Variants in AK8 observed in about 807,000 individuals in gnomAD.
AK8 encodes adenylate kinase 8.
A neutral mutation model predicts 54.6 loss-of-function variants in AK8; 44 were observed. The observed-to-expected ratio is 0.81, with a 90% CI of 0.63 to 1.04. The LOEUF is 1.04. Ranked by LOEUF, AK8 falls within the 50% of genes least tolerant of loss-of-function variation. The pLI is 0.00. For synonymous variants in AK8, 239 were observed against 245.6 expected (o/e 0.97, Z 0.25); for missense variants, 555 against 613.6 (o/e 0.90, Z 1.01).
chr9:132,758,845 T>A (rs1838316675), intron 11 of AK8, among the ~76,000 whole-genome samples: 1 of 152,068 alleles, frequency 6.6e-6, no homozygotes, highest in Non-Finnish European at 1.5e-5. Flanking sequence ...CTTAAAAAAA[T>A]AAAACAAAAC....
chr9:132,758,833 G>A (rs1050029421), intron 11 of AK8, among the ~76,000 whole-genome samples: 7 of 151,630 alleles, frequency 4.6e-5, no homozygotes, highest in Non-Finnish European at 7.4e-5. Flanking sequence ...CCATGTTCAC[G>A]TCTTAAAAAA....
rs577897937 is a variant in AK8 at position 132,746,903 on chromosome 9, T to G, written c.1122-19369A>C. 6.6e-5 allele frequency among the ~76,000 whole-genome samples: 10 copies of G among 152,336 alleles called. No homozygotes were observed. The South Asian group carries it at 2.1e-3, about 32-fold the overall frequency. On this transcript the variant is annotated intron_variant, in intron 11 of 12. Transcript: ENST00000298545. ...GGCCTAATTGAAAATGAAGTATCAA[T>G]TAGTAGTCAAGCTGGGTTTAATGCA... is the stretch of plus-strand genomic sequence containing the variant.
intron 11 of AK8, chr9:132,769,589 G>C (rs1392051295): frequency 6.6e-6 from 1 of 152,244 alleles, no homozygotes; most frequent in East Asian, 1.9e-4. Flanking sequence ...AGAATGCAAA[G>C]GAAGATTTGT....
At chr9:132,874,118 G>T (rs1843981072) in intron 2 of AK8, among the ~76,000 whole-genome samples, 1 of 152,170 alleles carries the variant, frequency 6.6e-6, no homozygotes, top group Admixed American at 6.5e-5. Context: ...TCAGCCATTT[G>T]CACCTAACCA....
chr9:132,754,623 C>T (rs574428200), intron 11 of AK8, among the ~76,000 whole-genome samples: 1 of 152,272 alleles, frequency 6.6e-6, no homozygotes, highest in East Asian at 1.9e-4. Context: ...GTGCTTCCTC[C>T]TGCTGCTGTT....
chr9:132,733,867 G>GC (rs1480628396), intron 11 of AK8, among the ~76,000 whole-genome samples: 1 of 152,162 alleles, frequency 6.6e-6, no homozygotes, highest in Non-Finnish European at 1.5e-5. Context: ...GCCTGGACTG[G>GC]CCAGGGGCGG....
intron 5 of AK8, 123 bp from the exon 6 acceptor site, chr9:132,828,849 T>C (rs1841989740): frequency 1.6e-6 from 1 of 632,798 alleles, no homozygotes; most frequent in Non-Finnish European, 2.6e-6. Context: ...AAAATGTTTC[T>C]GATAGCTACC....
chr9:132,819,242 T>C (rs1841471218), intron 9 of AK8, among the ~76,000 whole-genome samples: 1 of 152,218 alleles, frequency 6.6e-6, no homozygotes, highest in Admixed American at 6.5e-5. Context: ...CAATACAGTA[T>C]AACAACTGTT....
intron 5 of AK8, among the ~76,000 whole-genome samples, chr9:132,842,239 G>T (rs1490220454): frequency 6.6e-6 from 1 of 152,230 alleles, no homozygotes; most frequent in Non-Finnish European, 1.5e-5. Context: ...CTTGGGCCAT[G>T]TGCATGTTGG....
intron 4 of AK8, among the ~76,000 whole-genome samples, chr9:132,862,415 C>T (rs1462766845): frequency 1.3e-5 from 2 of 151,978 alleles, no homozygotes; most frequent in Non-Finnish European, 2.9e-5. Flanking sequence ...GCAACCTCAG[C>T]CTCCTGGGTT....
At chr9:132,827,969 C>G (rs921949194) in intron 7 of AK8, 44 bp downstream of exon 7, 3 of 1,535,528 alleles carry the variant, frequency 2.0e-6, no homozygotes, top group Non-Finnish European at 2.6e-6. Flanking sequence ...TCACCATGGA[C>G]TCTGAAACCC....
rs981146717 is a variant in AK8, at chr9:132,770,235, A to C, written c.1121+22399T>G. 6.6e-6 allele frequency: 1 copy of C among 152,208 alleles called. No individual in the cohort carries two copies. The highest frequency in any genetic ancestry group is 2.4e-5 in the African/African-American group (1 of 41,410). 9.4% of individuals were successfully genotyped at this position (152,208 alleles called of 1,614,324 possible). A position where few individuals can be genotyped will look rare whatever the true frequency, so the allele number is the denominator to read the frequency against. On this transcript the variant is annotated intron_variant, in intron 11 of 12. Coordinates refer to ENST00000298545, the MANE Select transcript of AK8 (RefSeq NM_152572.3). The surrounding 1 kb of genome is among the most constrained non-coding windows in gnomAD (Gnocchi z 4.3). ...GGGATGCAGACAACGTGGCATTTAA[A>C]AGTGAAAGCGGAAACAAACAGCAGC...
At chr9:132,794,201 G>A (rs1032321040) in intron 10 of AK8, among the ~76,000 whole-genome samples, 3 of 152,120 alleles carry the variant, frequency 2.0e-5, no homozygotes, top group Non-Finnish European at 2.9e-5. Context: ...TTGCTTTAAC[G>A]AGAACATCTG....
At chr9:132,851,758 C>A (rs562927705) in intron 5 of AK8, among the ~76,000 whole-genome samples, 8 of 152,362 alleles carry the variant, frequency 5.3e-5, no homozygotes, top group African/African-American at 1.9e-4. Flanking sequence ...CTGGCTGGAA[C>A]ATGCAACCTG....
chr9:132,753,135 C>T (rs905833391), intron 11 of AK8, among the ~76,000 whole-genome samples: 1 of 152,176 alleles, frequency 6.6e-6, no homozygotes. Context: ...GGAATCACGC[C>T]GCATTCCCAG....
At chr9:132,856,918 T>C (rs956986793) in intron 4 of AK8, among the ~76,000 whole-genome samples, 3 of 152,228 alleles carry the variant, frequency 2.0e-5, no homozygotes, top group African/African-American at 7.2e-5. Flanking sequence ...TGCTGGGAAC[T>C]GGATGAATAT....
At chr9:132,807,296 G>T (rs1224078525) in intron 10 of AK8, among the ~76,000 whole-genome samples, 1 of 152,204 alleles carries the variant, frequency 6.6e-6, no homozygotes, top group Non-Finnish European at 1.5e-5. Context: ...CAGGAGATGT[G>T]AAAAGCTACA....
At chr9:132,875,287 C>T in intron 1 of AK8, 88 bp from the exon 2 acceptor site, 1 of 1,540,286 alleles carries the variant, frequency 6.5e-7, no homozygotes. Flanking sequence ...CTGCTCTCTC[C>T]ACTGCACCCC....
chr9:132,866,330 G>A (rs182241194), intron 3 of AK8, among the ~76,000 whole-genome samples: 4 of 151,442 alleles, frequency 2.6e-5, no homozygotes, highest in African/African-American at 7.3e-5. Context: ...AAGTGTGGGC[G>A]AGGTGGGCCC....
Sources: allele counts gnomAD v4.1 joint callset (sites outside exome capture counted in the v4.1 genomes callset), GRCh38; gene constraint gnomAD v4.1.1; non-coding constraint Gnocchi (gnomAD v3.1); transcripts MANE v1.5; gene names NCBI Gene and HGNC (gene_info 2026-07-23, HGNC 2026-07-21).